Variants in GRID2 observed in about 807,000 individuals in gnomAD.
GRID2 encodes the protein glutamate ionotropic receptor delta type subunit 2, also known as glutamate receptor ionotropic, delta-2.
Under a neutral mutation model 114.8 loss-of-function variants are expected in GRID2, and 33 were observed. The ratio of observed to expected loss-of-function variants is 0.29; its 90% confidence interval spans 0.22 to 0.38. The LOEUF (loss-of-function observed/expected upper bound fraction) is 0.38, where lower values mean the gene tolerates loss of function less well. Ranked by LOEUF, GRID2 falls within the 10% of genes least tolerant of loss-of-function variation. The pLI, the probability that GRID2 is intolerant of heterozygous loss-of-function variation, is 1.00. For synonymous variants in GRID2, 505 were observed against 449.9 expected (o/e 1.12, Z -1.55); for missense variants, 1,184 against 1,257.7 (o/e 0.94, Z 0.89).
intron 1 of GRID2, among the ~76,000 whole-genome samples, chr4:92,564,041 CTT>C (rs1727223378): frequency 1.1e-4 from 16 of 152,020 alleles, no homozygotes. Context: ...TTCTGAATCT[CTT>C]TTAATCTTTA....
At chr4:92,871,565 T>C (rs1745281533) in intron 2 of GRID2, among the ~76,000 whole-genome samples, 1 of 152,316 alleles carries the variant, frequency 6.6e-6, no homozygotes, top group Middle Eastern at 3.4e-3. Context: ...TCTCTTTGGC[T>C]ATGACATCAG....
chr4:92,949,182 G>A (rs567940787), intron 2 of GRID2, among the ~76,000 whole-genome samples: 1 of 151,588 alleles, frequency 6.6e-6, no homozygotes, highest in Non-Finnish European at 1.5e-5. Context: ...GAGAGAGAAG[G>A]AGGGAGTATT....
intron 2 of GRID2, among the ~76,000 whole-genome samples, chr4:92,599,028 C>CTTT (rs79836874): frequency 0.012 from 1,350 of 115,218 alleles, 24 homozygotes; most frequent in African/African-American, 0.043. Flanking sequence ...AATGCTTTTC[C>CTTT]TTTTTTTTTT....
chr4:93,066,183 T>C (rs1728276178), intron 2 of GRID2, among the ~76,000 whole-genome samples: 1 of 151,968 alleles, frequency 6.6e-6, no homozygotes, highest in Non-Finnish European at 1.5e-5. Context: ...CCAAATGTCA[T>C]TATCAAAATG....
chr4:92,793,091 A>G (rs1170312857), intron 2 of GRID2, among the ~76,000 whole-genome samples: 2 of 151,712 alleles, frequency 1.3e-5, no homozygotes, highest in Admixed American at 1.3e-4. Flanking sequence ...TTCTGTGTTC[A>G]TTTATGCACC....
chr4:93,675,652 G>A (rs1019752926), intron 14 of GRID2, among the ~76,000 whole-genome samples: 7 of 152,076 alleles, frequency 4.6e-5, no homozygotes, highest in African/African-American at 1.2e-4. Context: ...AGTGGATCCC[G>A]AGCTCACACA....
intron 1 of GRID2, among the ~76,000 whole-genome samples, chr4:92,358,868 C>T (rs1329035129): frequency 1.3e-5 from 2 of 151,794 alleles, no homozygotes; most frequent in African/African-American, 2.4e-5. Flanking sequence ...GTATAGAAGT[C>T]ATATATGTAT....
intron 4 of GRID2, among the ~76,000 whole-genome samples, chr4:93,147,246 A>C (rs1034603917): frequency 2.6e-5 from 4 of 152,194 alleles, no homozygotes; most frequent in Admixed American, 2.6e-4. Flanking sequence ...AGAGAATCAA[A>C]AAACAAACAA....
chr4:93,554,795 C>A (rs1734144267), intron 13 of GRID2, among the ~76,000 whole-genome samples: 1 of 152,092 alleles, frequency 6.6e-6, no homozygotes, highest in Admixed American at 6.6e-5. Context: ...GAAAGAAATA[C>A]CTGAGACGGG....
intron 13 of GRID2, among the ~76,000 whole-genome samples, chr4:93,527,759 A>C (rs930230456): frequency 2.0e-5 from 3 of 152,172 alleles, no homozygotes; most frequent in Non-Finnish European, 4.4e-5. Context: ...TGTACAGTTT[A>C]GTAGCATTAA....
chr4:92,817,201 T>A (rs1323552979), intron 2 of GRID2, among the ~76,000 whole-genome samples: 3 of 152,152 alleles, frequency 2.0e-5, no homozygotes, highest in Non-Finnish European at 4.4e-5. Context: ...AAATTTTCTT[T>A]AACTGTAAAT....
At chr4:93,528,580 AT>A (rs1327820625) in intron 13 of GRID2, among the ~76,000 whole-genome samples, 1 of 152,098 alleles carries the variant, frequency 6.6e-6, no homozygotes, top group Non-Finnish European at 1.5e-5. Context: ...TCTTCTTCAC[AT>A]TATGCTCCAA....
rs75202031 is a variant in GRID2, at chr4:92,369,840, A to G, written c.88+65096A>G. Among the ~76,000 whole-genome samples the G allele has an allele frequency of 1.3e-4, 20 of 152,296 alleles. No homozygotes were observed. In the East Asian group the frequency reaches 3.5e-3, roughly 26 times the overall value. On this transcript the variant is annotated intron_variant, in intron 1 of 15. Transcript: ENST00000282020. ...TAGGAAATAACTAAACAAAATATTT[A>G]CCAGTTAAAAAACCTCAATCAGAAA...
At chr4:93,095,189 A>G (rs1308490743) in intron 3 of GRID2, among the ~76,000 whole-genome samples, 1 of 151,900 alleles carries the variant, frequency 6.6e-6, no homozygotes, top group Non-Finnish European at 1.5e-5. Flanking sequence ...GGTTTGTTAC[A>G]TAGGTATACA....
Position 92,591,174 on chromosome 4 carries a change from G to A in GRID2, c.244+888G>A, listed in dbSNP as rs528207439. On this transcript the variant is annotated intron_variant, in intron 2 of 15. Transcript: ENST00000282020. The stretch of plus-strand genomic sequence containing the variant: ...GGCTCTGTCCTCATGGATAGGATTA[G>A]TGCCCTTATAAAACAGGCCCAAGGG... Among the ~76,000 whole-genome samples the A allele has an allele frequency of 2.0e-5, 3 of 152,130 alleles. No homozygotes were observed. In the East Asian group the frequency reaches 5.8e-4, roughly 30 times the overall value.
At chr4:92,701,255 T>C (rs1045506804) in intron 2 of GRID2, among the ~76,000 whole-genome samples, 1 of 152,182 alleles carries the variant, frequency 6.6e-6, no homozygotes, top group Non-Finnish European at 1.5e-5. Context: ...TAATATTTTT[T>C]AGCCCTTAAA....
intron 13 of GRID2, among the ~76,000 whole-genome samples, chr4:93,529,746 A>G (rs1054219994): frequency 6.6e-6 from 1 of 152,070 alleles, no homozygotes; most frequent in Non-Finnish European, 1.5e-5. Context: ...CTTACATGCA[A>G]TTGATTGAAA....
intron 14 of GRID2, among the ~76,000 whole-genome samples, chr4:93,690,696 T>G (rs1182021078): frequency 6.6e-6 from 1 of 151,766 alleles, no homozygotes; most frequent in Admixed American, 6.6e-5. Flanking sequence ...TTCACTATTT[T>G]CTCTCACTGA....
At chr4:92,829,465 A>T (rs1741951182) in intron 2 of GRID2, among the ~76,000 whole-genome samples, 1 of 152,186 alleles carries the variant, frequency 6.6e-6, no homozygotes, top group Non-Finnish European at 1.5e-5. Flanking sequence ...ATTGAGAAAT[A>T]GGAACACCTT....
Sources: gnomAD v4.1 joint callset for allele counts (sites outside exome capture counted in the v4.1 genomes callset) on GRCh38, gnomAD v4.1.1 for gene constraint, MANE v1.5 for transcripts, NCBI Gene and HGNC (gene_info 2026-07-23, HGNC 2026-07-21) for gene names.